TCF12: variants seen among roughly 807,000 people sequenced by gnomAD.
TCF12 encodes DNA-binding protein HTF4.
In TCF12, 45 loss-of-function variants were observed where a neutral mutation model predicts 86.0. That is an observed-to-expected ratio of 0.52 (90% confidence interval 0.41 to 0.67). The LOEUF is 0.67. Among genes scored for constraint, TCF12 ranks in the 30% least tolerant of loss-of-function variants. TCF12 has a pLI of 0.00. For synonymous variants in TCF12, 330 were observed against 299.6 expected (o/e 1.10, Z -1.05); for missense variants, 881 against 859.9 (o/e 1.02, Z -0.31).
At chr15:57,067,613 T>G (rs1192206329) in intron 4 of TCF12, among the ~76,000 whole-genome samples, 1 of 149,268 alleles carries the variant, frequency 6.7e-6, no homozygotes, top group Non-Finnish European at 1.5e-5. Context: ...TTAGGCAATG[T>G]GGATTTCACA....
chr15:56,963,734 C>G (rs1025657433), intron 3 of TCF12, among the ~76,000 whole-genome samples: 3 of 152,112 alleles, frequency 2.0e-5, no homozygotes, highest in Admixed American at 6.6e-5. Flanking sequence ...AATCTTTGTT[C>G]TTTATGAACT....
intron 4 of TCF12, among the ~76,000 whole-genome samples, chr15:57,084,474 A>C (rs935423884): frequency 2.6e-5 from 4 of 152,186 alleles, no homozygotes; most frequent in Non-Finnish European, 5.9e-5. Context: ...GGATAATATA[A>C]ACCAGTTCTT....
chr15:57,138,184 A>G (rs748613380), intron 5 of TCF12, among the ~76,000 whole-genome samples: 3 of 152,228 alleles, frequency 2.0e-5, no homozygotes, highest in Non-Finnish European at 4.4e-5. Flanking sequence ...ACTTGTTAAT[A>G]TCACTGATGG....
At chr15:56,924,028 G>A (rs2059903085) in intron 3 of TCF12, among the ~76,000 whole-genome samples, 1 of 151,638 alleles carries the variant, frequency 6.6e-6, no homozygotes, top group Non-Finnish European at 1.5e-5. Context: ...TTTTTGTGGG[G>A]CGGGGGGTTA....
chr15:57,180,905 C>G (rs969084395), intron 6 of TCF12, among the ~76,000 whole-genome samples: 2 of 146,454 alleles, frequency 1.4e-5, no homozygotes, highest in Non-Finnish European at 3.0e-5. Flanking sequence ...AGCTCCGCCT[C>G]CCAGGTTCCC....
chr15:57,218,653 ATTTTT>A (rs1321570980), intron 8 of TCF12, among the ~76,000 whole-genome samples: 1 of 152,046 alleles, frequency 6.6e-6, no homozygotes, highest in African/African-American at 2.4e-5. Context: ...AGATGTGTGA[ATTTTT>A]TTTAAGAACA....
chr15:57,149,790 A>G (rs1240352776), intron 5 of TCF12, among the ~76,000 whole-genome samples: 1 of 152,200 alleles, frequency 6.6e-6, no homozygotes, highest in African/African-American at 2.4e-5. Flanking sequence ...TTTGTTGGAA[A>G]GTCTGATTAT....
chr15:57,126,990 T>TC (rs2051705223), intron 5 of TCF12, among the ~76,000 whole-genome samples: 1 of 151,480 alleles, frequency 6.6e-6, no homozygotes, highest in African/African-American at 2.4e-5. Flanking sequence ...TTTTCTTTTT[T>TC]TTTTTTTGGA....
intron 3 of TCF12, among the ~76,000 whole-genome samples, chr15:57,015,052 T>C (rs1316891019): frequency 1.3e-5 from 2 of 152,154 alleles, no homozygotes; most frequent in East Asian, 1.9e-4. Flanking sequence ...CACTTTGGGA[T>C]GTGAGGCAGG....
At chr15:57,222,899 C>A (rs982509502) in intron 8 of TCF12, among the ~76,000 whole-genome samples, 21 of 149,034 alleles carry the variant, frequency 1.4e-4, no homozygotes, top group Admixed American at 1.1e-3. Flanking sequence ...ATAAAAATTG[C>A]CACACAAACA....
intron 5 of TCF12, among the ~76,000 whole-genome samples, chr15:57,154,380 TA>T (rs774974445): frequency 3.1e-4 from 47 of 152,318 alleles, no homozygotes; most frequent in Non-Finnish European, 5.9e-4. Flanking sequence ...TGGTTGTTAC[TA>T]AAGTTACTAA....
intron 8 of TCF12, among the ~76,000 whole-genome samples, chr15:57,200,045 C>CTTTTTTTTT (rs11380359): frequency 7.7e-6 from 1 of 130,184 alleles, no homozygotes; most frequent in African/African-American, 2.9e-5. Flanking sequence ...CCACGGCTGG[C>CTTTTTTTTT]TTTTTTTTTT....
chr15:57,017,829 C>G (rs1419832144), intron 3 of TCF12, among the ~76,000 whole-genome samples: 3 of 149,302 alleles, frequency 2.0e-5, no homozygotes, highest in Non-Finnish European at 3.0e-5. Context: ...GCCTTACATA[C>G]TTGTTCTTTA....
chr15:57,073,425 GT>G (rs1275432278), intron 4 of TCF12, among the ~76,000 whole-genome samples: 1 of 152,056 alleles, frequency 6.6e-6, no homozygotes, highest in Non-Finnish European at 1.5e-5. Context: ...ACCCACTTGG[GT>G]TTTTAAATTA....
chr15:57,046,288 T>C (rs2067227794), intron 3 of TCF12, among the ~76,000 whole-genome samples: 2 of 152,226 alleles, frequency 1.3e-5, no homozygotes, highest in South Asian at 4.1e-4. Flanking sequence ...TTCTAAAGCA[T>C]GTTTTCTTGA....
At chr15:57,237,023 C>G (rs149148281) in intron 12 of TCF12, among the ~76,000 whole-genome samples, 50 of 152,102 alleles carry the variant, frequency 3.3e-4, no homozygotes, top group African/African-American at 1.2e-3. Context: ...TATCAAAACA[C>G]TTGGTCTTTA....
intron 4 of TCF12, among the ~76,000 whole-genome samples, chr15:57,087,071 CTCTCCCTCTG>C (rs200204057): frequency 0.017 from 2,275 of 136,672 alleles, 53 homozygotes; most frequent in African/African-American, 0.047. Context: ...GTCTCCCTCT[CTCTCCCTCTG>C]TCTCCCTCTG....
intron 17 of TCF12, among the ~76,000 whole-genome samples, 172 bp from the exon 18 acceptor site, chr15:57,262,940 T>G (rs2060656353): frequency 6.6e-6 from 1 of 152,234 alleles, no homozygotes; most frequent in Non-Finnish European, 1.5e-5. Context: ...CACAAGGATG[T>G]GGATATATTC....
chr15:57,030,209 A>C (rs1320731605), intron 3 of TCF12, among the ~76,000 whole-genome samples: 2 of 152,146 alleles, frequency 1.3e-5, no homozygotes, highest in Admixed American at 6.5e-5. Context: ...TCACTGAGGC[A>C]GGAGTTTGCT....
Sources: gnomAD v4.1 joint callset for allele counts (sites outside exome capture counted in the v4.1 genomes callset) on GRCh38, gnomAD v4.1.1 for gene constraint, MANE v1.5 for transcripts, NCBI Gene and HGNC (gene_info 2026-07-23, HGNC 2026-07-21) for gene names.